The following RAB3B variants were observed in gnomAD, a reference collection of about 807,000 sequenced individuals.
The protein encoded by RAB3B is ras-related protein Rab-3B.
RAB3B carries 11 observed loss-of-function variants against 20.5 expected under a neutral mutation model. The ratio of observed to expected loss-of-function variants is 0.54; its 90% CI spans 0.34 to 0.89. The LOEUF (loss-of-function observed/expected upper bound fraction) is 0.89. RAB3B is among the 40% of genes least tolerant of loss of function. The pLI, the probability that RAB3B is intolerant of heterozygous loss-of-function variation, is 0.02. For synonymous variants in RAB3B, 99 were observed against 106.3 expected, an observed-to-expected ratio of 0.93 and a Z score of 0.42; for missense variants, 225 against 280.9, an observed-to-expected ratio of 0.80 and a Z score of 1.42.
At chr1:51,981,409 ATC>A (rs1362950330) in intron 1 of RAB3B, among the ~76,000 whole-genome samples, 2 of 152,232 alleles carry the variant, frequency 1.3e-5, no homozygotes, top group African/African-American at 4.8e-5. Flanking sequence ...TCTTGCTTCC[ATC>A]TCTGATTCCT....
chr1:51,937,359 C>G lies in RAB3B; in HGVS notation c.282G>C (p.Gly94=), dbSNP rs756861729. ...YRTITTAYYR[G]AMGFILMYDI... is the part of the protein sequence containing the mutation. ...CATACATCAGAATGAAGCCCATGGCCCCACGGTAATAGGCTGTTGTGATGG... is the reference window on the plus strand; with the variant it reads ...CATACATCAGAATGAAGCCCATGGCGCCACGGTAATAGGCTGTTGTGATGG... Residue 94 remains glycine (G), a synonymous_variant, in exon 3 of 5, where the codon GGG becomes GGC. Transcript: ENST00000371655. 1.2e-6 allele frequency: 2 copies of G among 1,613,524 alleles called. No homozygotes were observed. Among genetic ancestry groups the G allele is most frequent in the African/African-American group, 1.3e-5 (1 of 74,880 alleles).
chr1:51,989,837 A>C (rs1162264774), intron 1 of RAB3B, among the ~76,000 whole-genome samples: 2 of 55,104 alleles, frequency 3.6e-5, no homozygotes, highest in African/African-American at 7.3e-5. Context: ...AGTTACCCCC[A>C]CGCCGGTCCC....
At chr1:51,982,888 T>C (rs913995549) in intron 1 of RAB3B, among the ~76,000 whole-genome samples, 2 of 152,206 alleles carry the variant, frequency 1.3e-5, no homozygotes, top group African/African-American at 4.8e-5. Context: ...TAAATAAATT[T>C]AGTGTAGCCT....
rs868555217 is a variant in RAB3B, at chr1:51,918,612, G to A, written c.*1315C>T. 6.6e-6 allele frequency: 1 copy of A among 152,190 alleles called. No individual in the cohort carries two copies. Among genetic ancestry groups the A allele is most frequent in the African/African-American group, 2.4e-5 (1 of 41,440 alleles). The allele number at this position is 152,190 out of a possible 1,614,324, so 9.4% of individuals were successfully genotyped here. On this transcript the variant is annotated 3_prime_UTR_variant, in exon 5 of 5. Transcript: ENST00000371655. ...CTATGAGAGTTGACAAAGATGGTGT[G>A]GAAAATGAGCTCCTGTCCCTGCCTA...
Position 51,954,180 on chromosome 1 carries a change from T to C in RAB3B, c.229-16768A>G, listed in dbSNP as rs76100146. Among the ~76,000 whole-genome samples the C allele has an allele frequency of 7.2e-3, 1,100 of 152,344 alleles. 13 individuals carry two copies. The highest frequency in any genetic ancestry group is 0.026 in the African/African-American group (1,064 of 41,580). ...TTGAGAGTGCCTGACACGTGGTAAG[T>C]GCAACAAATATTGCTGGATGAATGA... On this transcript the variant is annotated intron_variant, in intron 2 of 4. Transcript: ENST00000371655.
At chr1:51,979,397 A>G (rs547103273) in intron 1 of RAB3B, among the ~76,000 whole-genome samples, 1 of 151,698 alleles carries the variant, frequency 6.6e-6, no homozygotes, top group Admixed American at 6.6e-5. Context: ...TAGCCTCCCA[A>G]GTAGCTGGGA....
At chr1:51,923,414 G>A (rs2124234557) in intron 4 of RAB3B, among the ~76,000 whole-genome samples, 1 of 152,198 alleles carries the variant, frequency 6.6e-6, no homozygotes, top group Admixed American at 6.5e-5. Context: ...GAGGATGTGA[G>A]CCTTTAAAGT....
intron 1 of RAB3B, among the ~76,000 whole-genome samples, chr1:51,977,575 G>A (rs1034085107): frequency 2.6e-5 from 4 of 152,136 alleles, no homozygotes; most frequent in African/African-American, 7.2e-5. Context: ...CCTGGAGGAA[G>A]CAGCTCCTGA....
chr1:51,932,494 C>G (rs1481595923), intron 4 of RAB3B, among the ~76,000 whole-genome samples: 1 of 152,110 alleles, frequency 6.6e-6, no homozygotes, highest in African/African-American at 2.4e-5. Context: ...GCCTGGGCAC[C>G]TAGGCCTCAA....
intron 2 of RAB3B, among the ~76,000 whole-genome samples, chr1:51,948,528 A>G (rs1684592922): frequency 6.6e-6 from 1 of 152,218 alleles, no homozygotes; most frequent in Non-Finnish European, 1.5e-5. Context: ...GATGAATACA[A>G]GCCGGTACTT....
intron 2 of RAB3B, among the ~76,000 whole-genome samples, chr1:51,962,492 C>G (rs186950860): frequency 3.9e-5 from 6 of 152,184 alleles, no homozygotes; most frequent in South Asian, 2.1e-4. Flanking sequence ...GCCACACAAC[C>G]ACTGTCTGTC....
intron 2 of RAB3B, among the ~76,000 whole-genome samples, chr1:51,972,444 T>C (rs751503611): frequency 1.5e-4 from 23 of 152,214 alleles, no homozygotes; most frequent in African/African-American, 5.3e-4. Flanking sequence ...AAGCCCTAGA[T>C]AGTACCTAAT....
At chr1:51,988,545 G>T (rs1685178658) in intron 1 of RAB3B, among the ~76,000 whole-genome samples, 1 of 152,150 alleles carries the variant, frequency 6.6e-6, no homozygotes, top group Admixed American at 6.5e-5. Context: ...TAACATCAGT[G>T]GCCTCTCTCT....
chr1:51,910,714 G>A lies in RAB3B; in HGVS notation c.*9213C>T, dbSNP rs1683986240. The A allele has an allele frequency of 6.6e-6, 1 of 152,122 alleles. No homozygotes were observed. Among genetic ancestry groups the A allele is most frequent in the Admixed American group, 6.6e-5 (1 of 15,242 alleles). 9.4% of individuals were successfully genotyped at this position (152,122 alleles called of 1,614,324 possible). On this transcript the variant is annotated 3_prime_UTR_variant, in exon 5 of 5. Transcript: ENST00000371655. ...GAATCCCAAGGCATCAGCACCAAGA[G>A]AGCCTGTAGAAACTATCTGGTCTAA... is the stretch of plus-strand genomic sequence containing the variant.
At chr1:51,976,786 T>G in intron 2 of RAB3B, 104 bp downstream of exon 2, 4 of 975,676 alleles carry the variant, frequency 4.1e-6, no homozygotes, top group Non-Finnish European at 6.2e-6. Context: ...TAATGCCTGA[T>G]GCTGTAAGGC....
chr1:51,932,184 A>G (rs780975219), intron 4 of RAB3B, among the ~76,000 whole-genome samples: 2 of 152,100 alleles, frequency 1.3e-5, no homozygotes, highest in Non-Finnish European at 2.9e-5. Context: ...CACAATTCAC[A>G]CTTGTATTTT....
chr1:51,933,871 C>G (rs1684361008), intron 3 of RAB3B, among the ~76,000 whole-genome samples: 1 of 152,220 alleles, frequency 6.6e-6, no homozygotes, highest in Non-Finnish European at 1.5e-5. Context: ...AATGGTTTCT[C>G]TTCCACAGGA....
chr1:51,915,438 C>G lies in RAB3B; in HGVS notation c.*4489G>C, dbSNP rs766218613. The G allele has an allele frequency of 7.2e-5, 11 of 152,034 alleles. No individual in the cohort carries two copies. The highest frequency in any genetic ancestry group is 1.0e-4 in the Non-Finnish European group (7 of 68,008). 9.4% of individuals were successfully genotyped at this position (152,034 alleles called of 1,614,324 possible). The stretch of plus-strand genomic sequence containing the variant: ...AACCTTCCCTTCTATAAAATAGGAG[C>G]CTGGAACAGATCTTCTCTAAGCTCC... On this transcript the variant is annotated 3_prime_UTR_variant, in exon 5 of 5. Coordinates refer to ENST00000371655, the MANE Select transcript of RAB3B (RefSeq NM_002867.4).
chr1:51,960,329 G>A (rs553061097), intron 2 of RAB3B, among the ~76,000 whole-genome samples: 2 of 152,278 alleles, frequency 1.3e-5, no homozygotes, highest in South Asian at 4.1e-4. Context: ...TTGAGCTGGG[G>A]GCAGTAGTGG....
Sources: allele counts gnomAD v4.1 joint callset (sites outside exome capture counted in the v4.1 genomes callset), GRCh38; gene constraint gnomAD v4.1.1; transcripts MANE v1.5; gene names NCBI Gene and HGNC (gene_info 2026-07-23, HGNC 2026-07-21).